Variants in CEP290 observed in about 807,000 individuals in gnomAD.
CEP290 encodes centrosomal protein of 290 kDa.
In CEP290, 317 loss-of-function variants were observed where a neutral mutation model predicts 344.9. The observed-to-expected ratio is 0.92, with a 90% CI of 0.84 to 1.01. The LOEUF (loss-of-function observed/expected upper bound fraction) is 1.01, where lower values mean the gene tolerates loss of function less well. CEP290 is among the 50% of genes least tolerant of loss of function. CEP290 has a pLI of 0.00. For synonymous variants in CEP290, 932 were observed against 895.8 expected, an observed-to-expected ratio of 1.04 and a Z score of -0.72; for missense variants, 2,754 against 2,761.4, an observed-to-expected ratio of 1.00 and a Z score of 0.06.
At chr12:88,126,589 T>A (rs2039746549) in intron 11 of CEP290, among the ~76,000 whole-genome samples, 151 bp from the exon 12 acceptor site, 2 of 152,104 alleles carry the variant, frequency 1.3e-5, no homozygotes, top group Admixed American at 1.3e-4. Context: ...ACTGGCATAA[T>A]CTCTGTTCCT....
At chr12:88,126,271 C>G (rs1270649606) in intron 12 of CEP290, 45 bp downstream of exon 12, 2 of 1,395,516 alleles carry the variant, frequency 1.4e-6, no homozygotes, top group African/African-American at 1.5e-5. Flanking sequence ...AGAGTTCCAA[C>G]TGTAATAAAA....
chr12:88,139,350 C>T (rs2040511346), intron 4 of CEP290, 145 bp downstream of exon 4: 4 of 501,040 alleles, frequency 8.0e-6, no homozygotes, highest in African/African-American at 6.1e-5. Context: ...AAATAGGAGT[C>T]TAGAAATATT....
intron 43 of CEP290, among the ~76,000 whole-genome samples, chr12:88,070,450 T>C (rs924542584): frequency 6.6e-6 from 1 of 152,108 alleles, no homozygotes; most frequent in Non-Finnish European, 1.5e-5. Context: ...CTTTTAACAC[T>C]CAAGAGACAA....
chr12:88,068,628 G>A lies in CEP290; in HGVS notation c.6029C>T (p.Pro2010Leu). ...ILYMRAHQAL[P>L]RDSVVEDLHL... ...TAAATCTTCTACAACAGAATCTCGA[G>A]GAAGAGCTTGGTGGGCCCTATGAAC... The change falls in exon 44 of 54, where the codon CCT becomes CTT. Residue 2010 changes from proline (P) to leucine (L), a missense_variant. Coordinates refer to ENST00000552810, the MANE Select transcript of CEP290 (RefSeq NM_025114.4). The A allele has an allele frequency of 6.3e-7, 1 of 1,594,236 alleles. No homozygotes were observed. Among genetic ancestry groups the A allele is most frequent in the Non-Finnish European group, 8.5e-7 (1 of 1,173,538 alleles).
At chr12:88,106,055 C>G (rs2038252577) in intron 25 of CEP290, among the ~76,000 whole-genome samples, 1 of 152,170 alleles carries the variant, frequency 6.6e-6, no homozygotes, top group South Asian at 2.1e-4. Context: ...CATACTTGGT[C>G]TGCTTGTCTT....
chr12:88,121,706 T>C (rs1318804399), intron 13 of CEP290, among the ~76,000 whole-genome samples: 1 of 151,900 alleles, frequency 6.6e-6, no homozygotes, highest in African/African-American at 2.4e-5. Context: ...GATATGAGGG[T>C]GGCAACTTCA....
chr12:88,077,861 T>C lies in CEP290; in HGVS notation c.5422A>G (p.Ser1808Gly). The part of the protein sequence containing the change: ...LLKLKEALKT[S>G]KNRENSLTDN... ...GTTAGTGAGTTTTCTCTGTTTTTACTTGTTTTAAGTGCTTCTTTCAATTTT... is the reference window on the plus strand; with the variant it reads ...GTTAGTGAGTTTTCTCTGTTTTTACCTGTTTTAAGTGCTTCTTTCAATTTT... The change falls in exon 40 of 54, where the codon AGT becomes GGT. Residue 1808 changes from serine to glycine, a missense_variant. Coordinates refer to ENST00000552810, the MANE Select transcript of CEP290 (RefSeq NM_025114.4). The C allele has an allele frequency of 6.9e-7, 1 of 1,444,310 alleles. No individual in the cohort carries two copies. The highest frequency in any genetic ancestry group is 9.4e-7 in the Non-Finnish European group (1 of 1,060,868). 89.5% of individuals were successfully genotyped at this position (1,444,310 alleles called of 1,614,324 possible).
At chr12:88,079,067 T>A in intron 39 of CEP290, 25 bp downstream of exon 39, 1 of 1,510,626 alleles carries the variant, frequency 6.6e-7, no homozygotes, top group Non-Finnish European at 8.8e-7. Flanking sequence ...GAAATTTTGT[T>A]ACATTAACAC....
At chr12:88,053,985 A>G (rs1463896894) in intron 51 of CEP290, among the ~76,000 whole-genome samples, 2 of 152,154 alleles carry the variant, frequency 1.3e-5, no homozygotes, top group East Asian at 1.9e-4. Context: ...GTTTCGTTAT[A>G]AGAGGAGCTT....
chr12:88,125,520 C>T (rs1304670362), intron 12 of CEP290, among the ~76,000 whole-genome samples, 151 bp from the exon 13 acceptor site: 1 of 151,908 alleles, frequency 6.6e-6, no homozygotes, highest in African/African-American at 2.4e-5. Flanking sequence ...TACACTTCAA[C>T]TGTAATACAC....
chr12:88,113,768 A>C (rs908801892), intron 20 of CEP290, among the ~76,000 whole-genome samples: 5 of 151,946 alleles, frequency 3.3e-5, no homozygotes, highest in African/African-American at 1.2e-4. Flanking sequence ...GTGATGGCTA[A>C]ATCTTTCTTG....
chr12:88,114,542 T>C lies in CEP290; in HGVS notation c.1930A>G (p.Asn644Asp). Residue 644 changes from asparagine to aspartate, a missense_variant, in exon 20 of 54, where the codon AAT becomes GAT. Transcript: ENST00000552810. ...QNKLKELVEE[N>D]KQLEEGMKEI... ...TTCATACCTTCTTCAAGTTGCTTATTTTCTTCAACTAATTCTTTTACTGTA... is the reference window on the plus strand; with the variant it reads ...TTCATACCTTCTTCAAGTTGCTTATCTTCTTCAACTAATTCTTTTACTGTA... 1 of 1,537,474 alleles carries C rather than the reference T, an allele frequency of 6.5e-7. No homozygotes were observed. The highest frequency in any genetic ancestry group is 1.2e-5 in the South Asian group (1 of 80,524).
In CEP290 at chr12:88,106,770, G is replaced by A. The variant is rs886042153; in HGVS notation, c.2722C>T (p.Arg908Ter). 20 of 1,609,454 alleles carry A rather than the reference G, an allele frequency of 1.2e-5. No homozygotes were observed. The highest frequency in any genetic ancestry group is 8.4e-5 in the Admixed American group (5 of 59,474). ...TTCTCATTTTCTTTTCTAAGTTGTCGCTCCAATTCTACTAAGGTTGTATAT... is the reference window on the plus strand; with the variant it reads ...TTCTCATTTTCTTTTCTAAGTTGTCACTCCAATTCTACTAAGGTTGTATAT... Reference protein sequence around the residue: ...RQYTTLVELERQLRKENEKQK... With the variant: ...RQYTTLVELE Residue 908 changes from arginine (R) to a stop codon, truncating the protein, a stop_gained, in exon 25 of 54, where the codon CGA (arginine) becomes TGA (stop). Coordinates refer to ENST00000552810, the MANE Select transcript of CEP290 (RefSeq NM_025114.4). LOFTEE classifies it high-confidence loss of function.
chr12:88,130,421 C>G lies in CEP290; in HGVS notation c.517-1G>C. The stretch of plus-strand genomic sequence containing the variant: ...TAATATCCTGACAAAGTTGTTCATT[C>G]TGAAGGTAACCAAACACAACATTCA... On this transcript the variant is annotated splice_acceptor_variant, in intron 8 of 53. Transcript: ENST00000552810. LOFTEE classifies it high-confidence loss of function. The G allele has an allele frequency of 6.2e-7, 1 of 1,602,992 alleles. No individual in the cohort carries two copies. The highest frequency in any genetic ancestry group is 1.3e-5 in the African/African-American group (1 of 74,182).
intron 53 of CEP290, 108 bp from the exon 54 acceptor site, chr12:88,049,522 T>C (rs1301246967): frequency 1.5e-6 from 1 of 655,904 alleles, no homozygotes; most frequent in Non-Finnish European, 2.7e-6. Flanking sequence ...TCCTGAATGG[T>C]CAAATACAGC....
At chr12:88,091,257 T>C (rs192249447) in intron 29 of CEP290, among the ~76,000 whole-genome samples, 99 of 152,286 alleles carry the variant, frequency 6.5e-4, no homozygotes, top group Non-Finnish European at 1.2e-3. Context: ...ATTTAGTACA[T>C]TTATCTAAGA....
chr12:88,125,110 A>C (rs2039650481), intron 13 of CEP290, 136 bp downstream of exon 13: 1 of 305,300 alleles, frequency 3.3e-6, no homozygotes, highest in East Asian at 5.8e-5. Context: ...ATAATAATAA[A>C]TATCTTGTAC....
At chr12:88,136,309 T>C (rs2040351191) in intron 6 of CEP290, 1 of 234,402 alleles carries the variant, frequency 4.3e-6, no homozygotes, top group Non-Finnish European at 8.3e-6. Context: ...AAATAAACTA[T>C]GGCACTAGAA....
intron 52 of CEP290, 57 bp from the exon 53 acceptor site, chr12:88,050,490 A>G (rs1040109233): frequency 5.2e-6 from 4 of 770,234 alleles, no homozygotes; most frequent in Middle Eastern, 4.8e-4. Context: ...AATGAGTTCA[A>G]GGTAATGGAT....
Sources: allele counts gnomAD v4.1 joint callset (sites outside exome capture counted in the v4.1 genomes callset), GRCh38; gene constraint gnomAD v4.1.1; transcripts MANE v1.5; gene names NCBI Gene and HGNC (gene_info 2026-07-23, HGNC 2026-07-21).